Variants in CEP83 observed in about 807,000 individuals in gnomAD.
The protein encoded by CEP83 is centrosomal protein 83, also known as centrosomal protein of 83 kDa.
CEP83 carries 70 observed loss-of-function variants against 101.9 expected under a neutral mutation model. That is an observed-to-expected ratio of 0.69 (90% CI 0.57 to 0.84). The LOEUF (loss-of-function observed/expected upper bound fraction) is 0.84, where lower values mean the gene tolerates loss of function less well. CEP83 is among the 40% of genes least tolerant of loss of function. The pLI is 0.00. For synonymous variants in CEP83, 264 were observed against 267.9 expected, an observed-to-expected ratio of 0.99 and a Z score of 0.14; for missense variants, 715 against 787.2, an observed-to-expected ratio of 0.91 and a Z score of 1.10.
At chr12:94,424,909 G>C in intron 2 of CEP83, 1 of 1,599,328 alleles carries the variant, frequency 6.3e-7, no homozygotes, top group Non-Finnish European at 8.6e-7. Flanking sequence ...ATGGCTTCTT[G>C]TTGTTTCTAT....
chr12:94,393,844 A>G (rs1593673051), intron 6 of CEP83, among the ~76,000 whole-genome samples: 1 of 152,206 alleles, frequency 6.6e-6, no homozygotes, highest in African/African-American at 2.4e-5. Context: ...ACAAACAGAG[A>G]GCCAAATCAT....
At chr12:94,389,886 G>A (rs767748392) in intron 6 of CEP83, among the ~76,000 whole-genome samples, 4 of 152,206 alleles carry the variant, frequency 2.6e-5, no homozygotes, top group Admixed American at 6.5e-5. Context: ...GTCTGAGATC[G>A]AACTGCGAGG....
intron 1 of CEP83, among the ~76,000 whole-genome samples, chr12:94,457,901 A>G (rs2138688619): frequency 6.6e-6 from 1 of 152,336 alleles, no homozygotes; most frequent in East Asian, 1.9e-4. Flanking sequence ...AGGATTAAAA[A>G]CTACCTGTGA....
chr12:94,387,628 T>A (rs1345893453), intron 6 of CEP83, among the ~76,000 whole-genome samples: 1 of 152,020 alleles, frequency 6.6e-6, no homozygotes, highest in Non-Finnish European at 1.5e-5. Flanking sequence ...AAAGAAACTA[T>A]CAACAGAGTA....
At chr12:94,459,050 C>T (rs1164986091) in intron 1 of CEP83, among the ~76,000 whole-genome samples, 2 of 152,160 alleles carry the variant, frequency 1.3e-5, no homozygotes, top group African/African-American at 2.4e-5. Context: ...CTTTCCTTAT[C>T]CTAGAGATCT....
intron 11 of CEP83, among the ~76,000 whole-genome samples, chr12:94,349,855 A>G (rs2060121915): frequency 6.6e-6 from 1 of 152,346 alleles, no homozygotes; most frequent in Admixed American, 6.5e-5. Flanking sequence ...ATCTCTATAC[A>G]CTAACAATGA....
chr12:94,423,881 T>G (rs2064979504), intron 2 of CEP83: 1 of 1,611,982 alleles, frequency 6.2e-7, no homozygotes. Flanking sequence ...GTAAGCTCCT[T>G]GCATAGCTGC....
chr12:94,424,684 T>G (rs2065045553), intron 2 of CEP83: 2 of 1,612,180 alleles, frequency 1.2e-6, no homozygotes, highest in Non-Finnish European at 1.7e-6. Flanking sequence ...AGCCTTTACA[T>G]TTGTTTGTGG....
chr12:94,305,426 C>T (rs183750594), downstream of CEP83: 787 of 602,366 alleles, frequency 1.3e-3, 6 homozygotes, highest in South Asian at 2.9e-4. Context: ...GAGACCAAGG[C>T]ACATGCACAG....
At chr12:94,359,597 AC>A (rs934242427) in intron 11 of CEP83, among the ~76,000 whole-genome samples, 1 of 152,130 alleles carries the variant, frequency 6.6e-6, no homozygotes, top group Non-Finnish European at 1.5e-5. Context: ...GAAATACAAA[AC>A]CTGAACAGAT....
chr12:94,309,937 G>C lies in CEP83; in HGVS notation c.1982C>G (p.Pro661Arg). The stretch of plus-strand genomic sequence containing the variant: ...TCATACCTGCATATGAGGAGGAAAT[G>C]GTAGTTCCATGCTTGGAACCATGGC... ...SSAMVPSMEL[P>R]FPPHMQEEQH... Residue 661 changes from proline to arginine, a missense_variant, in exon 16 of 17, where the codon CCA becomes CGA. By Grantham distance (103) the Pro-to-Arg change is moderately radical. Transcript: ENST00000397809. The C allele has an allele frequency of 6.2e-7, 1 of 1,602,304 alleles. No individual in the cohort carries two copies. The highest frequency in any genetic ancestry group is 8.5e-7 in the Non-Finnish European group (1 of 1,173,518).
intron 7 of CEP83, 93 bp downstream of exon 7, chr12:94,378,698 G>A (rs2137169134): frequency 7.6e-7 from 1 of 1,323,708 alleles, no homozygotes; most frequent in South Asian, 1.4e-5. Flanking sequence ...ATTAGCTTGG[G>A]GGGCATACAT....
At chr12:94,272,609 G>A in the CEP83 span, among the ~76,000 whole-genome samples, 62 of 152,224 alleles carry the variant, frequency 4.1e-4, no homozygotes, top group Non-Finnish European at 8.2e-4. Context: ...CCTTTTGTTC[G>A]GATCGAAGAC....
At chr12:94,348,074 G>C (rs1310595582) in intron 11 of CEP83, among the ~76,000 whole-genome samples, 1 of 151,794 alleles carries the variant, frequency 6.6e-6, no homozygotes, top group Non-Finnish European at 1.5e-5. Flanking sequence ...TTTTAAAATA[G>C]TTAAAATGGT....
the CEP83 span, among the ~76,000 whole-genome samples, chr12:94,268,536 T>A: frequency 2.7e-5 from 4 of 150,876 alleles, no homozygotes; most frequent in Non-Finnish European, 5.9e-5. Context: ...AGGACTTTAG[T>A]CTTTCCTTAA....
At chr12:94,284,087 G>GGAAA in the CEP83 span, among the ~76,000 whole-genome samples, 1,196 of 82,694 alleles carry the variant, frequency 0.014, 8 homozygotes, top group Non-Finnish European at 0.024. Context: ...CATGTCAGGG[G>GGAAA]AAAAAAAAAA....
At chr12:94,272,841 G>A in the CEP83 span, among the ~76,000 whole-genome samples, 7 of 152,328 alleles carry the variant, frequency 4.6e-5, no homozygotes, top group Admixed American at 3.9e-4. Context: ...GTTCTGTGGG[G>A]TTCAATATCA....
chr12:94,388,611 T>A (rs1011313936), intron 6 of CEP83, among the ~76,000 whole-genome samples: 3 of 152,122 alleles, frequency 2.0e-5, no homozygotes, highest in Non-Finnish European at 2.9e-5. Context: ...AATTATTTTT[T>A]AAAAAAAGAA....
intron 11 of CEP83, among the ~76,000 whole-genome samples, chr12:94,360,557 A>C (rs2060701697): frequency 6.6e-6 from 1 of 152,022 alleles, no homozygotes. Context: ...CAAAGGAGGT[A>C]AAAGATCTCT....
Sources: gnomAD v4.1 joint callset for allele counts (sites outside exome capture counted in the v4.1 genomes callset) on GRCh38, gnomAD v4.1.1 for gene constraint, MANE v1.5 for transcripts, NCBI Gene and HGNC (gene_info 2026-07-23, HGNC 2026-07-21) for gene names.